The following NR3C2 variants were observed in gnomAD, a reference collection of about 807,000 sequenced individuals.
The protein encoded by NR3C2 is mineralocorticoid receptor.
Under a neutral mutation model 86.4 loss-of-function variants are expected in NR3C2, and 15 were observed. The ratio of observed to expected loss-of-function variants is 0.17; its 90% CI spans 0.12 to 0.27. NR3C2 has a LOEUF of 0.27. NR3C2 is among the 10% of genes least tolerant of loss of function. The pLI, the probability that NR3C2 is intolerant of heterozygous loss-of-function variation, is 1.00. For missense variants in NR3C2, 960 were observed against 1,195.6 expected (o/e 0.80, Z 2.91); for synonymous variants, 458 against 450.5 (o/e 1.02, Z -0.21).
chr4:148,345,066 TC>T (rs1744924774), intron 2 of NR3C2, among the ~76,000 whole-genome samples: 1 of 152,140 alleles, frequency 6.6e-6, no homozygotes. Flanking sequence ...TTCAACAAAA[TC>T]TCAATTTGCT....
At chr4:148,221,744 A>T (rs555945810) in intron 3 of NR3C2, among the ~76,000 whole-genome samples, 50 of 152,170 alleles carry the variant, frequency 3.3e-4, no homozygotes, top group African/African-American at 1.1e-3. Context: ...AATACAAAAA[A>T]TTAGCTGGGC....
chr4:148,376,362 G>A (rs1031113901), intron 2 of NR3C2, among the ~76,000 whole-genome samples: 7 of 152,154 alleles, frequency 4.6e-5, no homozygotes, highest in Non-Finnish European at 7.3e-5. Flanking sequence ...GCTATCTAGT[G>A]TTTTGCCCAA....
intron 4 of NR3C2, among the ~76,000 whole-genome samples, chr4:148,157,166 G>A (rs1734435613): frequency 1.0e-5 from 1 of 96,034 alleles, no homozygotes; most frequent in South Asian, 4.7e-4. Context: ...GGGGTGGGGG[G>A]AGGGGGGAGG....
At chr4:148,186,936 T>G (rs1288006692) in intron 4 of NR3C2, among the ~76,000 whole-genome samples, 1 of 145,556 alleles carries the variant, frequency 6.9e-6, no homozygotes, top group Non-Finnish European at 1.5e-5. Context: ...CTGCAAATGC[T>G]GTTAATTCAT....
intron 2 of NR3C2, among the ~76,000 whole-genome samples, chr4:148,362,692 C>CA (rs1745899266): frequency 6.6e-6 from 1 of 151,982 alleles, no homozygotes; most frequent in South Asian, 2.1e-4. Flanking sequence ...AATCTAGACT[C>CA]AAAGAAGACA....
chr4:148,216,750 G>C (rs1737559491), intron 3 of NR3C2, among the ~76,000 whole-genome samples: 1 of 152,160 alleles, frequency 6.6e-6, no homozygotes, highest in Non-Finnish European at 1.5e-5. Context: ...TCTTTGCTTT[G>C]TTGACTAAGT....
chr4:148,094,335 CAG>C (rs758653514), intron 8 of NR3C2, among the ~76,000 whole-genome samples: 14 of 152,196 alleles, frequency 9.2e-5, no homozygotes, highest in Non-Finnish European at 1.9e-4. Context: ...AGAGATTAAA[CAG>C]AGAATTGCCA....
chr4:148,152,895 C>T (rs564562029), intron 5 of NR3C2, among the ~76,000 whole-genome samples: 1 of 152,140 alleles, frequency 6.6e-6, no homozygotes, highest in Non-Finnish European at 1.5e-5. Context: ...CAGCCTAAAA[C>T]CCTTGGTTAG....
intron 3 of NR3C2, among the ~76,000 whole-genome samples, chr4:148,214,483 A>T (rs964212997): frequency 6.6e-6 from 1 of 152,206 alleles, no homozygotes; most frequent in African/African-American, 2.4e-5. Context: ...ATCATGATCT[A>T]GGTCCCCATG....
chr4:148,247,759 CTTTCCA>C (rs971622787), intron 3 of NR3C2, among the ~76,000 whole-genome samples: 11 of 151,930 alleles, frequency 7.2e-5, no homozygotes, highest in Admixed American at 5.3e-4. Context: ...AAGTGTTGCC[CTTTCCA>C]TTTCCATTTC....
chr4:148,130,730 T>C (rs1014007717), intron 6 of NR3C2, among the ~76,000 whole-genome samples: 3 of 152,182 alleles, frequency 2.0e-5, no homozygotes, highest in Middle Eastern at 3.4e-3. Flanking sequence ...TTGTTTTGTT[T>C]TGCTCAATCA....
intron 6 of NR3C2, among the ~76,000 whole-genome samples, chr4:148,147,070 T>C (rs1733904297): frequency 1.3e-5 from 2 of 152,250 alleles, no homozygotes; most frequent in Admixed American, 1.3e-4. Flanking sequence ...ATTGAATAAT[T>C]AATCATTTAA....
chr4:148,346,104 G>A (rs1385780408), intron 2 of NR3C2, among the ~76,000 whole-genome samples: 1 of 152,010 alleles, frequency 6.6e-6, no homozygotes, highest in Non-Finnish European at 1.5e-5. Context: ...GAGAGGGGAG[G>A]GTGAAGCCCA....
At chr4:148,294,830 A>T (rs1741968353) in intron 2 of NR3C2, among the ~76,000 whole-genome samples, 1 of 151,994 alleles carries the variant, frequency 6.6e-6, no homozygotes, top group African/African-American at 2.4e-5. Context: ...AAATAAAAAA[A>T]ATAAAAAGTC....
At chr4:148,372,606 T>G (rs1390259227) in intron 2 of NR3C2, among the ~76,000 whole-genome samples, 1 of 152,148 alleles carries the variant, frequency 6.6e-6, no homozygotes, top group Non-Finnish European at 1.5e-5. Flanking sequence ...TTATTTTAAA[T>G]AATACATTAT....
chr4:148,107,894 C>T (rs188215709), intron 8 of NR3C2, among the ~76,000 whole-genome samples: 2 of 152,134 alleles, frequency 1.3e-5, no homozygotes, highest in Non-Finnish European at 2.9e-5. Flanking sequence ...ACACCTAATG[C>T]ATGTGGGGCT....
chr4:148,262,712 A>G (rs186683745), intron 2 of NR3C2, among the ~76,000 whole-genome samples: 2 of 152,216 alleles, frequency 1.3e-5, no homozygotes, highest in African/African-American at 4.8e-5. Context: ...ATCTAATAGG[A>G]CTGATGTTAT....
intron 7 of NR3C2, among the ~76,000 whole-genome samples, chr4:148,119,946 T>C (rs1425829091): frequency 6.6e-6 from 1 of 152,184 alleles, no homozygotes; most frequent in Non-Finnish European, 1.5e-5. Context: ...TGAAGGAATG[T>C]TGGGGTATGC....
At chr4:148,136,075 AAC>A (rs1271372005) in intron 6 of NR3C2, among the ~76,000 whole-genome samples, 2,678 of 41,784 alleles carry the variant, frequency 0.064, 290 homozygotes, top group African/African-American at 0.16. Context: ...AAAAAAAAAA[AAC>A]AAAAAAAAAA....
Sources: allele counts gnomAD v4.1 joint callset (sites outside exome capture counted in the v4.1 genomes callset), GRCh38; gene constraint gnomAD v4.1.1; transcripts MANE v1.5; gene names NCBI Gene and HGNC (gene_info 2026-07-23, HGNC 2026-07-21).